The following SPIRE1 variants were observed in gnomAD, a reference collection of about 807,000 sequenced individuals.
The protein encoded by SPIRE1 is protein spire homolog 1.
A neutral mutation model predicts 94.1 loss-of-function variants in SPIRE1; 40 were observed. That is an observed-to-expected ratio of 0.43 (90% CI 0.33 to 0.55). SPIRE1 has a LOEUF of 0.55. Ranked by LOEUF, SPIRE1 falls within the 20% of genes least tolerant of loss-of-function variation. SPIRE1 has a pLI of 0.06. For missense variants in SPIRE1, 838 were observed against 975.2 expected, an observed-to-expected ratio of 0.86 and a Z score of 1.87; for synonymous variants, 376 against 371.7, an observed-to-expected ratio of 1.01 and a Z score of -0.13.
At chr18:12,584,314 C>T (rs2036334710) in intron 2 of SPIRE1, among the ~76,000 whole-genome samples, 1 of 151,926 alleles carries the variant, frequency 6.6e-6, no homozygotes, top group African/African-American at 2.4e-5. Context: ...CCTGTAGTCC[C>T]AGCTACTTGG....
chr18:12,610,006 C>A (rs2037094751), intron 2 of SPIRE1, among the ~76,000 whole-genome samples: 1 of 152,130 alleles, frequency 6.6e-6, no homozygotes, highest in South Asian at 2.1e-4. Context: ...GGTTGCTGAA[C>A]CTGGAACTGG....
intron 4 of SPIRE1, among the ~76,000 whole-genome samples, chr18:12,524,148 G>A (rs1374118245): frequency 1.3e-5 from 2 of 152,234 alleles, no homozygotes; most frequent in South Asian, 2.1e-4. Context: ...TTCTCTATAT[G>A]TATTGGATTA....
At chr18:12,528,457 G>A (rs942995463) in intron 4 of SPIRE1, among the ~76,000 whole-genome samples, 4 of 152,212 alleles carry the variant, frequency 2.6e-5, no homozygotes, top group African/African-American at 9.7e-5. Flanking sequence ...GGAGAAGCAG[G>A]CATTTTCTAG....
chr18:12,590,768 G>A (rs2036512665), intron 2 of SPIRE1, among the ~76,000 whole-genome samples: 1 of 152,146 alleles, frequency 6.6e-6, no homozygotes, highest in South Asian at 2.1e-4. Context: ...AGGCCCCTGG[G>A]CAAGAAGGTT....
At chr18:12,640,596 GA>G (rs1429561629) in intron 1 of SPIRE1, among the ~76,000 whole-genome samples, 1 of 152,180 alleles carries the variant, frequency 6.6e-6, no homozygotes, top group Non-Finnish European at 1.5e-5. Context: ...GTGATAAATG[GA>G]TCCAAAAGGG....
intron 9 of SPIRE1, among the ~76,000 whole-genome samples, chr18:12,480,137 T>C (rs1224291539): frequency 1.3e-5 from 2 of 152,194 alleles, no homozygotes; most frequent in Non-Finnish European, 2.9e-5. Flanking sequence ...TCACAACTTG[T>C]TTATTTTCCA....
chr18:12,595,814 T>C (rs757770469), intron 2 of SPIRE1, among the ~76,000 whole-genome samples: 1 of 152,244 alleles, frequency 6.6e-6, no homozygotes, highest in Non-Finnish European at 1.5e-5. Flanking sequence ...ATGGAAGTAC[T>C]GAGGACAGAG....
intron 1 of SPIRE1, among the ~76,000 whole-genome samples, chr18:12,652,113 T>G (rs1191721048): frequency 6.6e-6 from 1 of 152,220 alleles, no homozygotes; most frequent in East Asian, 1.9e-4. Context: ...GATTCTAATC[T>G]CTAAAACTAC....
At chr18:12,651,651 C>T (rs565868314) in intron 1 of SPIRE1, among the ~76,000 whole-genome samples, 43 of 152,234 alleles carry the variant, frequency 2.8e-4, no homozygotes, top group African/African-American at 9.4e-4. Flanking sequence ...CCAGCCTGAG[C>T]AACAGAGCGA....
At chr18:12,549,165 C>T (rs1226594762) in intron 2 of SPIRE1, among the ~76,000 whole-genome samples, 2 of 152,164 alleles carry the variant, frequency 1.3e-5, no homozygotes, top group Non-Finnish European at 2.9e-5. Flanking sequence ...GAGCCTAACA[C>T]TGTGGTGTGC....
At chr18:12,643,080 G>A (rs1441953647) in intron 1 of SPIRE1, among the ~76,000 whole-genome samples, 1 of 151,692 alleles carries the variant, frequency 6.6e-6, no homozygotes, top group Non-Finnish European at 1.5e-5. Context: ...TATAGTATAT[G>A]TAGTAAAGGA....
intron 2 of SPIRE1, among the ~76,000 whole-genome samples, chr18:12,612,519 T>C (rs2037171544): frequency 6.6e-6 from 1 of 152,214 alleles, no homozygotes; most frequent in Non-Finnish European, 1.5e-5. Flanking sequence ...AGGCCCTATA[T>C]CCTTACTAAT....
At chr18:12,471,892 C>A (rs1159335316) in intron 10 of SPIRE1, among the ~76,000 whole-genome samples, 1 of 152,046 alleles carries the variant, frequency 6.6e-6, no homozygotes, top group Non-Finnish European at 1.5e-5. Flanking sequence ...TCAAGTGATT[C>A]CCATGCCTCA....
upstream of SPIRE1, among the ~76,000 whole-genome samples, chr18:12,659,495 T>C (rs527315753): frequency 2.8e-4 from 42 of 152,198 alleles, no homozygotes; most frequent in East Asian, 1.4e-3. Flanking sequence ...GGGGAAACCC[T>C]GTCTCTACTA....
At chr18:12,646,788 T>C (rs2038238417) in intron 1 of SPIRE1, among the ~76,000 whole-genome samples, 1 of 152,224 alleles carries the variant, frequency 6.6e-6, no homozygotes, top group African/African-American at 2.4e-5. Context: ...TTCACACCTG[T>C]AATCCCAGCA....
intron 2 of SPIRE1, among the ~76,000 whole-genome samples, chr18:12,613,510 G>A (rs2037201406): frequency 6.6e-6 from 1 of 152,134 alleles, no homozygotes; most frequent in Non-Finnish European, 1.5e-5. Flanking sequence ...CACTTGACAT[G>A]TGGCTAGCCC....
At chr18:12,509,363 G>C (rs1192665091) in intron 5 of SPIRE1, among the ~76,000 whole-genome samples, 1 of 152,096 alleles carries the variant, frequency 6.6e-6, no homozygotes, top group Non-Finnish European at 1.5e-5. Flanking sequence ...TTTACTTTAA[G>C]TTTATACTAG....
chr18:12,595,372 C>T (rs764907324), intron 2 of SPIRE1, among the ~76,000 whole-genome samples: 4 of 152,032 alleles, frequency 2.6e-5, no homozygotes, highest in Admixed American at 1.3e-4. Context: ...GTTATGTTAC[C>T]GGTAAGACTT....
chr18:12,491,622 C>A (rs2033237460), intron 8 of SPIRE1, among the ~76,000 whole-genome samples: 1 of 152,046 alleles, frequency 6.6e-6, no homozygotes, highest in Non-Finnish European at 1.5e-5. Context: ...AGCTTTGTCA[C>A]CAGAAAGTAC....
Sources: allele counts gnomAD v4.1 joint callset (sites outside exome capture counted in the v4.1 genomes callset), GRCh38; gene constraint gnomAD v4.1.1; transcripts MANE v1.5; gene names NCBI Gene and HGNC (gene_info 2026-07-23, HGNC 2026-07-21).